Variants in TLL1 observed in about 807,000 individuals in gnomAD.
TLL1 encodes the protein tolloid-like protein 1.
TLL1 carries 49 observed loss-of-function variants against 128.2 expected under a neutral mutation model. That is an observed-to-expected ratio of 0.38 (90% CI 0.30 to 0.48). TLL1 has a LOEUF of 0.48. Ranked by LOEUF, TLL1 falls within the 20% of genes least tolerant of loss-of-function variation. The probability of loss-of-function intolerance (pLI) is 0.96; values close to 1 mark genes in which losing one functional copy is unlikely to be tolerated. For missense variants in TLL1, 1,123 were observed against 1,242.0 expected (o/e 0.90, Z 1.44); for synonymous variants, 454 against 418.8 (o/e 1.08, Z -1.03).
At chr4:166,009,384 T>C (rs1412166229) in intron 7 of TLL1, among the ~76,000 whole-genome samples, 3 of 151,426 alleles carry the variant, frequency 2.0e-5, no homozygotes. Context: ...GAAAAACAAT[T>C]TATTCTTTTT....
At chr4:166,082,076 C>T (rs1339297471) in intron 18 of TLL1, among the ~76,000 whole-genome samples, 3 of 152,130 alleles carry the variant, frequency 2.0e-5, no homozygotes, top group African/African-American at 7.2e-5. Flanking sequence ...AGAGCTTTCA[C>T]ACAGTATTAA....
At chr4:165,977,502 A>T (rs551180996) in intron 1 of TLL1, among the ~76,000 whole-genome samples, 13 of 152,316 alleles carry the variant, frequency 8.5e-5, no homozygotes, top group African/African-American at 3.1e-4. Flanking sequence ...TCTTTATAGC[A>T]GTGTGAAAAT....
chr4:165,898,719 G>T (rs1171174674), intron 1 of TLL1, among the ~76,000 whole-genome samples: 1 of 152,122 alleles, frequency 6.6e-6, no homozygotes, highest in Non-Finnish European at 1.5e-5. Context: ...CCAGGTTTTG[G>T]TATCAGGATG....
intron 1 of TLL1, among the ~76,000 whole-genome samples, chr4:165,960,214 C>T (rs1337541611): frequency 1.3e-5 from 2 of 151,950 alleles, no homozygotes; most frequent in East Asian, 1.9e-4. Flanking sequence ...CCTATGTTCA[C>T]AAACTAGAAA....
chr4:166,057,035 TA>T, intron 13 of TLL1, 148 bp from the exon 14 acceptor site: 1 of 777,686 alleles, frequency 1.3e-6, no homozygotes, highest in Admixed American at 2.0e-5. Flanking sequence ...ATGATTCAGT[TA>T]CCTCTCACCA....
intron 8 of TLL1, 89 bp downstream of exon 8, chr4:166,014,649 G>A: frequency 6.3e-7 from 1 of 1,583,634 alleles, no homozygotes; most frequent in Non-Finnish European, 8.6e-7. Flanking sequence ...CTGTTTGTTT[G>A]TCTCCCTCCC....
rs1234556797 is a variant in TLL1, at chr4:165,968,879, ACT to A, written c.170-20501_170-20500del. Reference sequence around the variant, plus strand: ...CTGTGTTACTTTGAGTCAAAGAAATACTGATTGTGGTTTAGAAAGCTACTTTT... The same window carrying A: ...CTGTGTTACTTTGAGTCAAAGAAATAGATTGTGGTTTAGAAAGCTACTTTT... On this transcript the variant is annotated intron_variant, in intron 1 of 20. Transcript: ENST00000061240. Among the ~76,000 whole-genome samples the A allele has an allele frequency of 5.1e-3, 780 of 152,270 alleles. 11 individuals carry two copies. Among genetic ancestry groups the A allele is most frequent in the African/African-American group, 0.017 (725 of 41,584 alleles).
intron 8 of TLL1, among the ~76,000 whole-genome samples, chr4:166,017,927 A>G (rs1243243181): frequency 6.6e-6 from 1 of 152,206 alleles, no homozygotes; most frequent in Non-Finnish European, 1.5e-5. Context: ...ATTAAGCTAC[A>G]CTGATGCAGT....
At chr4:166,004,826 T>A (rs1281226030) in intron 6 of TLL1, among the ~76,000 whole-genome samples, 3 of 152,058 alleles carry the variant, frequency 2.0e-5, no homozygotes, top group Non-Finnish European at 2.9e-5. Flanking sequence ...GGGAGGAAAT[T>A]CAGGTTTTAT....
rs374276707 is a variant in TLL1, at chr4:165,903,074, C to T, written c.169+29001C>T. ...TGACAATAGGCCGGGTGCGGTGGCT[C>T]ACACCTGTAATCCCAGCACTGTGGG... On this transcript the variant is annotated intron_variant, in intron 1 of 20. Transcript: ENST00000061240. 3.5e-4 allele frequency among the ~76,000 whole-genome samples: 54 copies of T among 152,226 alleles called. 1 individual carries two copies. In the South Asian group the frequency reaches 0.011, roughly 32 times the overall value.
At chr4:165,969,994 T>C (rs922783503) in intron 1 of TLL1, among the ~76,000 whole-genome samples, 17 of 152,124 alleles carry the variant, frequency 1.1e-4, no homozygotes, top group African/African-American at 4.1e-4. Context: ...TTTCATCCTG[T>C]GTAACTCTAA....
At chr4:165,995,031 CT>C in intron 4 of TLL1, 29 bp from the exon 5 acceptor site, 2 of 1,586,380 alleles carry the variant, frequency 1.3e-6, no homozygotes, top group Non-Finnish European at 8.7e-7. Context: ...GGGATGCCAC[CT>C]TTTCATTAAC....
intron 18 of TLL1, among the ~76,000 whole-genome samples, chr4:166,085,110 AT>A (rs1285365007): frequency 6.6e-6 from 1 of 151,698 alleles, no homozygotes; most frequent in African/African-American, 2.4e-5. Flanking sequence ...AATGCTACTG[AT>A]TTTTGCCTAT....
chr4:166,059,964 A>G (rs1579689150), intron 14 of TLL1, 64 bp from the exon 15 acceptor site: 3 of 1,586,662 alleles, frequency 1.9e-6, no homozygotes, highest in East Asian at 4.5e-5. Context: ...TAATTAATGG[A>G]CAGGTGCTAA....
At chr4:166,029,399 TC>T (rs1161921605) in intron 9 of TLL1, among the ~76,000 whole-genome samples, 1 of 152,096 alleles carries the variant, frequency 6.6e-6, no homozygotes, top group African/African-American at 2.4e-5. Flanking sequence ...CTTTTTTTAA[TC>T]AAGCAAATGA....
At chr4:166,011,058 T>G (rs1737671141) in intron 7 of TLL1, among the ~76,000 whole-genome samples, 1 of 151,524 alleles carries the variant, frequency 6.6e-6, no homozygotes, top group African/African-American at 2.4e-5. Context: ...AGCTTTGTAA[T>G]ATGTTTTGAA....
At chr4:166,011,872 A>G (rs112868556) in intron 7 of TLL1, among the ~76,000 whole-genome samples, 2,044 of 151,608 alleles carry the variant, frequency 0.013, 44 homozygotes, top group African/African-American at 0.047. Context: ...TACTTCTTCT[A>G]TATCAGCTAA....
intron 1 of TLL1, among the ~76,000 whole-genome samples, chr4:165,982,486 G>T (rs1392575741): frequency 6.6e-6 from 1 of 151,668 alleles, no homozygotes; most frequent in Non-Finnish European, 1.5e-5. Flanking sequence ...AGTTTATTTC[G>T]CTGAGGCCAT....
chr4:165,994,579 A>G (rs567803489), intron 4 of TLL1, 46 bp downstream of exon 4: 6 of 1,601,378 alleles, frequency 3.7e-6, no homozygotes, highest in South Asian at 1.1e-5. Flanking sequence ...AATAAAAACT[A>G]TCATACAGAT....
Sources: allele counts gnomAD v4.1 joint callset (sites outside exome capture counted in the v4.1 genomes callset), GRCh38; gene constraint gnomAD v4.1.1; transcripts MANE v1.5; gene names NCBI Gene and HGNC (gene_info 2026-07-23, HGNC 2026-07-21).